The following TICRR variants were observed in gnomAD, a reference collection of about 807,000 sequenced individuals.
The protein encoded by TICRR is treslin.
A neutral mutation model predicts 178.1 loss-of-function variants in TICRR; 132 were observed. The ratio of observed to expected loss-of-function variants is 0.74; its 90% confidence interval spans 0.64 to 0.86. TICRR has a LOEUF of 0.86. Ranked by LOEUF, TICRR falls within the 40% of genes least tolerant of loss-of-function variation. TICRR has a pLI of 0.00. For missense variants in TICRR, 2,587 were observed against 2,334.3 expected (o/e 1.11, Z -2.23); for synonymous variants, 991 against 900.7 (o/e 1.10, Z -1.79).
At chr15:89,589,835 C>T (rs1293355684) in intron 4 of TICRR, among the ~76,000 whole-genome samples, 1 of 151,986 alleles carries the variant, frequency 6.6e-6, no homozygotes, top group Non-Finnish European at 1.5e-5. Context: ...CTAAGACAAT[C>T]CTGGGTGTGG....
intron 3 of TICRR, 101 bp from the exon 4 acceptor site, chr15:89,585,604 TTAA>T (rs1260215252): frequency 2.5e-6 from 2 of 803,104 alleles, no homozygotes; most frequent in African/African-American, 1.7e-5. Flanking sequence ...AGTTTTCACG[TTAA>T]TAATAATTGG....
chr15:89,601,656 A>C (rs2141965686), intron 11 of TICRR, 81 bp from the exon 12 acceptor site: 1 of 1,610,568 alleles, frequency 6.2e-7, no homozygotes, highest in Non-Finnish European at 8.5e-7. Flanking sequence ...AGTTGTAAGG[A>C]CTACTTTTTA....
At chr15:89,614,862 T>C (rs2141975225) in intron 15 of TICRR, among the ~76,000 whole-genome samples, 1 of 152,370 alleles carries the variant, frequency 6.6e-6, no homozygotes, top group South Asian at 2.1e-4. Flanking sequence ...CAGCCCCTAC[T>C]GAGGGGCTCT....
At chr15:89,591,167 C>G (rs886314802) in intron 4 of TICRR, among the ~76,000 whole-genome samples, 2 of 152,156 alleles carry the variant, frequency 1.3e-5, no homozygotes, top group African/African-American at 2.4e-5. Context: ...CTCTTGTCAC[C>G]CAGGCTGGAG....
At chr15:89,577,599 C>CTTTTTTTTTTTTTTTTTTTTTTT (rs71151513) in intron 1 of TICRR, among the ~76,000 whole-genome samples, 1 of 60,858 alleles carries the variant, frequency 1.6e-5, no homozygotes, top group African/African-American at 7.7e-5. Flanking sequence ...GAGGGAAGGC[C>CTTTTTTTTTTTTTTTTTTTTTTT]TTTTTTTTTT....
intron 8 of TICRR, 36 bp from the exon 9 acceptor site, chr15:89,600,549 A>T: frequency 1.0e-6 from 1 of 962,480 alleles, no homozygotes; most frequent in Non-Finnish European, 1.6e-6. Flanking sequence ...ATGACAAGTA[A>T]CACTATTCTC....
At chr15:89,577,718 C>T (rs1030688497) in intron 1 of TICRR, among the ~76,000 whole-genome samples, 1 of 145,768 alleles carries the variant, frequency 6.9e-6, no homozygotes, top group Non-Finnish European at 1.5e-5. Context: ...AAGCAATTCT[C>T]CTGCCTCAGC....
chr15:89,592,543 C>T (rs538383799), intron 5 of TICRR, among the ~76,000 whole-genome samples: 2 of 152,096 alleles, frequency 1.3e-5, no homozygotes, highest in African/African-American at 2.4e-5. Flanking sequence ...ATTTGCAGAC[C>T]GTTTTTGTAA....
At chr15:89,579,409 A>G (rs985511480) in intron 1 of TICRR, among the ~76,000 whole-genome samples, 13 of 152,020 alleles carry the variant, frequency 8.6e-5, no homozygotes, top group African/African-American at 3.1e-4. Flanking sequence ...GCAGTGGCGC[A>G]ATCTCGGCTC....
At chr15:89,592,236 AT>A (rs1400905749) in intron 5 of TICRR, 60 bp downstream of exon 5, 6 of 1,507,016 alleles carry the variant, frequency 4.0e-6, no homozygotes, top group East Asian at 4.6e-5. Flanking sequence ...AGTTATCTGC[AT>A]TTTTTTCTTA....
rs745650354 is a variant in TICRR at position 89,618,242 on chromosome 15, A to G, written c.3019+32A>G. 8.1e-6 allele frequency: 13 copies of G among 1,595,942 alleles called. No homozygotes were observed. In the Admixed American group the frequency reaches 2.2e-4, roughly 27 times the overall value. ...GTTATCTCTTTTTGTTTTTAATGCA[A>G]TCTACCCAGCTTCTATGAAAACCTT... On this transcript the variant is annotated intron_variant, in intron 17 of 21. Transcript: ENST00000268138.
At chr15:89,602,281 A>T (rs1441371545) in intron 12 of TICRR, among the ~76,000 whole-genome samples, 1 of 152,106 alleles carries the variant, frequency 6.6e-6, no homozygotes, top group African/African-American at 2.4e-5. Flanking sequence ...GATAGTATAT[A>T]TTTTTTCATT....
At chr15:89,578,715 C>T (rs919074415) in intron 1 of TICRR, among the ~76,000 whole-genome samples, 1 of 151,332 alleles carries the variant, frequency 6.6e-6, no homozygotes, top group South Asian at 2.1e-4. Flanking sequence ...TTTAAAGATC[C>T]CTTCCAGGTC....
In TICRR at chr15:89,601,847, C is replaced by G. The variant is rs1963104025; in HGVS notation, c.2438C>G (p.Ser813Cys). 2 of 1,614,142 alleles carry G rather than the reference C, an allele frequency of 1.2e-6. No homozygotes were observed. The highest frequency in any genetic ancestry group is 1.1e-5 in the South Asian group (1 of 91,078). Residue 813 changes from serine to cysteine, a missense_variant, in exon 12 of 22, where the codon TCC becomes TGC. By Grantham distance (112) the Ser-to-Cys change is moderately radical. Coordinates refer to ENST00000268138, the MANE Select transcript of TICRR (RefSeq NM_152259.4). ...VLPTDFFSDD[S>C]MTQENKSPLL... The stretch of plus-strand genomic sequence containing the variant: ...CCTACAGATTTTTTCAGTGATGACT[C>G]CATGACACAAGAGAACAAATCACCA...
intron 7 of TICRR, among the ~76,000 whole-genome samples, chr15:89,599,056 G>A (rs8039002): frequency 0.9 from 136,937 of 151,846 alleles, 62,009 homozygotes; most frequent in African/African-American, 0.95. Context: ...TAGTTTCTCA[G>A]TCTCTGGACT....
Position 89,624,026 on chromosome 15 carries a change from A to G in TICRR, c.3716A>G (p.Glu1239Gly), listed in dbSNP as rs892633688. The G allele has an allele frequency of 1.9e-6, 3 of 1,613,780 alleles. No homozygotes were observed. Among genetic ancestry groups the G allele is most frequent in the African/African-American group, 2.7e-5 (2 of 74,820 alleles). Residue 1239 changes from glutamate (E) to glycine (G), a missense_variant, in exon 20 of 22, where the codon GAG (glutamate) becomes GGG (glycine). Transcript: ENST00000268138. ...TCATCGACTGCCCAGCCCAGGAGAGAGTGTCTCACTCCCATCAGAGACCCT... is the reference window on the plus strand; with the variant it reads ...TCATCGACTGCCCAGCCCAGGAGAGGGTGTCTCACTCCCATCAGAGACCCT... Reference protein sequence around the residue: ...PTSSTAQPRRECLTPIRDPLR... With the variant: ...PTSSTAQPRRGCLTPIRDPLR...
chr15:89,614,505 T>G (rs548602890), intron 15 of TICRR, among the ~76,000 whole-genome samples: 73 of 152,156 alleles, frequency 4.8e-4, no homozygotes, highest in African/African-American at 1.7e-3. Context: ...AATTTTTGTA[T>G]TTTTTTGTAA....
intron 15 of TICRR, among the ~76,000 whole-genome samples, chr15:89,611,866 T>C (rs954484835): frequency 6.6e-6 from 1 of 152,206 alleles, no homozygotes; most frequent in African/African-American, 2.4e-5. Context: ...TATATTATTT[T>C]CCTGATTTCC....
Position 89,575,733 on chromosome 15 carries a change from C to A in TICRR, c.147C>A (p.Phe49Leu). ...GLARVHWAFK[F>L]FDSQGARSRP... The stretch of plus-strand genomic sequence containing the variant: ...CCAGGGTCCACTGGGCCTTCAAGTT[C>A]TTTGACTCGCAGGGGGCGCGGAGCC... The change falls in exon 1 of 22, where the codon TTC becomes TTA. Residue 49 changes from phenylalanine to leucine, a missense_variant. By Grantham distance (22) the Phe-to-Leu change is conservative (BLOSUM62 0). Transcript: ENST00000268138. The A allele has an allele frequency of 1.2e-6, 2 of 1,610,328 alleles. No homozygotes were observed. The highest frequency in any genetic ancestry group is 1.7e-6 in the Non-Finnish European group (2 of 1,179,184).
Sources: gnomAD v4.1 joint callset for allele counts (sites outside exome capture counted in the v4.1 genomes callset) on GRCh38, gnomAD v4.1.1 for gene constraint, MANE v1.5 for transcripts, NCBI Gene and HGNC (gene_info 2026-07-23, HGNC 2026-07-21) for gene names.